VAV2: variants seen among roughly 807,000 people sequenced by gnomAD.
The protein encoded by VAV2 is guanine nucleotide exchange factor VAV2.
A neutral mutation model predicts 132.5 loss-of-function variants in VAV2; 67 were observed. The ratio of observed to expected loss-of-function variants is 0.51; its 90% CI spans 0.42 to 0.62. The LOEUF is 0.62. Ranked by LOEUF, VAV2 falls within the 20% of genes least tolerant of loss-of-function variation. The probability of loss-of-function intolerance (pLI) is 0.00; values close to 1 mark genes in which losing one functional copy is unlikely to be tolerated. For synonymous variants in VAV2, 492 were observed against 443.5 expected (o/e 1.11, Z -1.37); for missense variants, 938 against 1,153.6 (o/e 0.81, Z 2.71).
intron 6 of VAV2, among the ~76,000 whole-genome samples, chr9:133,809,560 G>A (rs537338254): frequency 4.6e-5 from 7 of 152,334 alleles, no homozygotes; most frequent in African/African-American, 1.7e-4. Flanking sequence ...CAGACTGTGT[G>A]CTCGGCTCCA....
chr9:133,799,540 TG>T (rs1834850387), intron 9 of VAV2, among the ~76,000 whole-genome samples: 1 of 152,054 alleles, frequency 6.6e-6, no homozygotes, highest in Non-Finnish European at 1.5e-5. Context: ...TGTGTCCCCA[TG>T]GGGGGATCCC....
At chr9:133,973,169 C>A (rs1402303352) in intron 1 of VAV2, among the ~76,000 whole-genome samples, 1 of 152,020 alleles carries the variant, frequency 6.6e-6, no homozygotes, top group Non-Finnish European at 1.5e-5. Context: ...ATCTGCAAGC[C>A]CCCCTGTCTG....
At chr9:133,899,856 C>T (rs1409179086) in intron 2 of VAV2, among the ~76,000 whole-genome samples, 6 of 151,086 alleles carry the variant, frequency 4.0e-5, no homozygotes, top group Non-Finnish European at 8.9e-5. Context: ...CCCATCTCTA[C>T]TAAAAGTACA....
chr9:133,777,339 T>G, intron 23 of VAV2, 50 bp downstream of exon 23: 1 of 1,598,882 alleles, frequency 6.3e-7, no homozygotes, highest in Non-Finnish European at 8.6e-7. Flanking sequence ...CCCAGAACCC[T>G]CAGCACCCAG....
chr9:133,870,023 T>C (rs1278424025), intron 2 of VAV2, among the ~76,000 whole-genome samples: 2 of 152,216 alleles, frequency 1.3e-5, no homozygotes, highest in African/African-American at 4.8e-5. Context: ...TCTTTTTTCT[T>C]GTGGAAAGCA....
chr9:133,928,074 C>T lies in VAV2; in HGVS notation c.321+11029G>A, dbSNP rs1459828853. On this transcript the variant is annotated intron_variant, in intron 2 of 29. Transcript: ENST00000371850. The surrounding 1 kb of genome is among the most constrained non-coding windows in gnomAD (Gnocchi z 5.4). ...CCCTTGTCCAGTGTGAAGTTAATGA[C>T]GGGCATGGCTCCCGCCTGGAAAGGA... Among the ~76,000 whole-genome samples the T allele has an allele frequency of 2.0e-5, 3 of 152,138 alleles. No homozygotes were observed. The highest frequency in any genetic ancestry group is 2.1e-4 in the South Asian group (1 of 4,826).
chr9:133,810,629 T>C (rs1481192474), intron 5 of VAV2, among the ~76,000 whole-genome samples: 1 of 152,212 alleles, frequency 6.6e-6, no homozygotes, highest in Non-Finnish European at 1.5e-5. Flanking sequence ...GGACCAGCGC[T>C]GGGCATGAGG....
chr9:133,799,983 C>A (rs1412510692), intron 9 of VAV2, among the ~76,000 whole-genome samples: 1 of 152,186 alleles, frequency 6.6e-6, no homozygotes, highest in Non-Finnish European at 1.5e-5. Flanking sequence ...AGAAGACACG[C>A]CACACACACT....
chr9:133,985,122 T>C (rs421510), intron 1 of VAV2, among the ~76,000 whole-genome samples: 63,294 of 151,746 alleles, frequency 0.42, 15,113 homozygotes, highest in East Asian at 0.86. Flanking sequence ...CATAAATAAA[T>C]ACATACACAC....
chr9:133,806,140 G>C lies in VAV2; in HGVS notation c.777C>G (p.Asp259Glu), dbSNP rs1342081307. The change falls in exon 9 of 30, where the codon GAC becomes GAG. Residue 259 changes from aspartate (D) to glutamate (E), a missense_variant. Transcript: ENST00000371850. ...TGCTGCCCCCCACCATCACGGACAC[G>C]TCGATGGCCCTCAGGAAGCTGTGAT... is the stretch of plus-strand genomic sequence containing the variant. ...KVHHSFLRAI[D>E]VSVMVGGSTL... 3 of 1,612,884 alleles carry C rather than the reference G, an allele frequency of 1.9e-6. No homozygotes were observed. The African/African-American group carries it at 4.0e-5, about 22-fold the overall frequency.
At position 133,769,444 on chromosome 9, in the gene VAV2, G is replaced by A; in HGVS notation, c.2407C>T (p.Gln803Ter). 6.2e-7 allele frequency: 1 copy of A among 1,613,160 alleles called. No individual in the cohort carries two copies. Among genetic ancestry groups the A allele is most frequent in the Non-Finnish European group, 8.5e-7 (1 of 1,179,566 alleles). Reference sequence around the variant, plus strand: ...GACCAGAAGGGAGCGGAGGGGCCCTGAGAAGCAAAGCTGAGGCCCTGAGGA... The same window carrying A: ...GACCAGAAGGGAGCGGAGGGGCCCTAAGAAGCAAAGCTGAGGCCCTGAGGA... Reference protein sequence around the residue: ...LSPQGLSFASQGPSAPFWSVF... With the variant: ...LSPQGLSFAS The change falls in exon 28 of 30, where the codon CAG (glutamine) becomes TAG (stop). Residue 803 changes from glutamine (Q) to a stop codon, truncating the protein, a stop_gained. Coordinates refer to ENST00000371850, the MANE Select transcript of VAV2 (RefSeq NM_001134398.2). LOFTEE classifies it high-confidence loss of function. The surrounding 1 kb of genome is among the most constrained non-coding windows in gnomAD (Gnocchi z 8.1).
intron 2 of VAV2, among the ~76,000 whole-genome samples, chr9:133,933,370 C>G (rs1465476990): frequency 6.6e-6 from 1 of 152,220 alleles, no homozygotes; most frequent in Non-Finnish European, 1.5e-5. Context: ...TTACTAAATA[C>G]GTGGTAAATT....
intron 2 of VAV2, among the ~76,000 whole-genome samples, chr9:133,915,872 G>A (rs1281513309): frequency 1.2e-4 from 13 of 112,432 alleles, no homozygotes; most frequent in Admixed American, 2.9e-4. Flanking sequence ...ACATGTACAC[G>A]CGACCCACAC....
chr9:133,781,049 C>T (rs1202206036), intron 19 of VAV2, among the ~76,000 whole-genome samples: 4 of 152,190 alleles, frequency 2.6e-5, no homozygotes, highest in African/African-American at 7.2e-5. Context: ...TGGGGTGGTA[C>T]CTGGCACTCA....
intron 4 of VAV2, among the ~76,000 whole-genome samples, chr9:133,816,959 C>A (rs547721755): frequency 1.3e-5 from 2 of 152,336 alleles, no homozygotes; most frequent in South Asian, 4.1e-4. Flanking sequence ...ACTGATTAAG[C>A]CATTCCAAGG....
rs747416441 is a variant in VAV2, at chr9:133,912,626, G to A, written c.321+26477C>T. 3.3e-5 allele frequency among the ~76,000 whole-genome samples: 5 copies of A among 152,138 alleles called. No individual in the cohort carries two copies. The highest frequency in any genetic ancestry group is 7.3e-5 in the Non-Finnish European group (5 of 68,034). On this transcript the variant is annotated intron_variant, in intron 2 of 29. Coordinates refer to ENST00000371850, the MANE Select transcript of VAV2 (RefSeq NM_001134398.2). This position sits in a 1 kb window ranked among gnomAD's most constrained non-coding sequence, Gnocchi z 4.3. ...CAATCGCGGAACACAAATTACACGT[G>A]TGATGCTCTTCTCCACGTGTGCACA... is the stretch of plus-strand genomic sequence containing the variant.
chr9:133,952,903 C>G (rs2319059), intron 1 of VAV2, among the ~76,000 whole-genome samples: 6 of 79,550 alleles, frequency 7.5e-5, no homozygotes, highest in East Asian at 5.0e-4. Context: ...CATGGCCCCA[C>G]TGACACCTAG....
intron 1 of VAV2, among the ~76,000 whole-genome samples, chr9:133,962,536 G>T (rs1206531372): frequency 6.6e-6 from 1 of 152,048 alleles, no homozygotes; most frequent in Non-Finnish European, 1.5e-5. Context: ...GCTGCTGCGG[G>T]GGTCCTGCAG....
intron 3 of VAV2, among the ~76,000 whole-genome samples, chr9:133,842,374 G>A (rs1054799847): frequency 5.9e-5 from 9 of 152,190 alleles, no homozygotes; most frequent in Non-Finnish European, 1.0e-4. Context: ...GGAGCACTCC[G>A]AGAGAACAGG....
Sources: allele counts gnomAD v4.1 joint callset (sites outside exome capture counted in the v4.1 genomes callset), GRCh38; gene constraint gnomAD v4.1.1; non-coding constraint Gnocchi (gnomAD v3.1); transcripts MANE v1.5; gene names NCBI Gene and HGNC (gene_info 2026-07-23, HGNC 2026-07-21).